FBXW7: variants seen among roughly 807,000 people sequenced by gnomAD.
The protein encoded by FBXW7 is F-box and WD repeat domain containing 7.
A neutral mutation model predicts 86.3 loss-of-function variants in FBXW7; 11 were observed. The ratio of observed to expected loss-of-function variants is 0.13; its 90% CI spans 0.08 to 0.21. The LOEUF is 0.21. FBXW7 is among the 10% of genes least tolerant of loss of function. The pLI, the probability that FBXW7 is intolerant of heterozygous loss-of-function variation, is 1.00. For synonymous variants in FBXW7, 313 were observed against 297.9 expected (o/e 1.05, Z -0.52); for missense variants, 488 against 847.4 (o/e 0.58, Z 5.27).
At chr4:152,447,102 C>T (rs1215190574) in intron 2 of FBXW7, among the ~76,000 whole-genome samples, 1 of 152,128 alleles carries the variant, frequency 6.6e-6, no homozygotes, top group Non-Finnish European at 1.5e-5. Flanking sequence ...TTTCTAGAAA[C>T]ACTAAGGCTT....
chr4:152,349,984 T>C, intron 5 of FBXW7, 58 bp downstream of exon 5: 1 of 974,296 alleles, frequency 1.0e-6, no homozygotes, highest in Non-Finnish European at 1.5e-6. Context: ...CTAAAACACT[T>C]TCAGAATCAA....
chr4:152,395,048 A>G (rs747310452), intron 4 of FBXW7, among the ~76,000 whole-genome samples: 6 of 152,174 alleles, frequency 3.9e-5, no homozygotes, highest in Non-Finnish European at 7.4e-5. Flanking sequence ...ATGGGTGTGC[A>G]TAAGTGTGTG....
chr4:152,439,910 T>C (rs1414876722), intron 2 of FBXW7, among the ~76,000 whole-genome samples: 2 of 150,720 alleles, frequency 1.3e-5, no homozygotes, highest in African/African-American at 4.9e-5. Flanking sequence ...TCCTGCTTCA[T>C]ACAGACCTGG....
At chr4:152,375,673 A>C (rs999058525) in intron 4 of FBXW7, among the ~76,000 whole-genome samples, 2 of 152,154 alleles carry the variant, frequency 1.3e-5, no homozygotes, top group African/African-American at 4.8e-5. Context: ...ATGGAAGTAC[A>C]ATGATACAGT....
At chr4:152,358,239 A>G (rs568149941) in intron 4 of FBXW7, among the ~76,000 whole-genome samples, 3 of 152,342 alleles carry the variant, frequency 2.0e-5, no homozygotes, top group South Asian at 4.1e-4. Context: ...AATATGACCC[A>G]GGAAAGAATT....
At chr4:152,408,895 T>G (rs545282162) in intron 4 of FBXW7, among the ~76,000 whole-genome samples, 1 of 152,180 alleles carries the variant, frequency 6.6e-6, no homozygotes, top group Non-Finnish European at 1.5e-5. Flanking sequence ...GTGAGCTTAA[T>G]AAATAGCAAT....
At chr4:152,418,140 C>T (rs1361334849) in intron 2 of FBXW7, among the ~76,000 whole-genome samples, 1 of 151,718 alleles carries the variant, frequency 6.6e-6, no homozygotes, top group Non-Finnish European at 1.5e-5. Context: ...CACACACACA[C>T]ACACACACAC....
At chr4:152,502,177 T>A (rs925459205) in intron 2 of FBXW7, among the ~76,000 whole-genome samples, 1 of 152,220 alleles carries the variant, frequency 6.6e-6, no homozygotes, top group Non-Finnish European at 1.5e-5. Context: ...ACTTGAAATG[T>A]GGCTAGTGTT....
chr4:152,449,116 C>A (rs1382148086), intron 2 of FBXW7, among the ~76,000 whole-genome samples: 1 of 152,192 alleles, frequency 6.6e-6, no homozygotes, highest in Non-Finnish European at 1.5e-5. Flanking sequence ...CAACAGGGAG[C>A]AAATTACTGG....
intron 4 of FBXW7, among the ~76,000 whole-genome samples, chr4:152,365,882 C>T (rs1733430909): frequency 6.6e-6 from 1 of 152,176 alleles, no homozygotes; most frequent in African/African-American, 2.4e-5. Flanking sequence ...CTCCAATAGA[C>T]TGTAAGTTCC....
intron 2 of FBXW7, among the ~76,000 whole-genome samples, chr4:152,481,069 A>G (rs1027649466): frequency 3.3e-5 from 5 of 152,226 alleles, no homozygotes; most frequent in African/African-American, 1.2e-4. Context: ...GCTAGAAACG[A>G]TAAGTCAATA....
intron 2 of FBXW7, among the ~76,000 whole-genome samples, chr4:152,454,503 A>G (rs906959726): frequency 6.6e-6 from 1 of 152,182 alleles, no homozygotes; most frequent in Non-Finnish European, 1.5e-5. Flanking sequence ...GAGCTCTTCT[A>G]ACTTCAGAGA....
intron 4 of FBXW7, among the ~76,000 whole-genome samples, chr4:152,377,013 G>GT (rs1248374255): frequency 6.6e-6 from 1 of 152,014 alleles, no homozygotes; most frequent in Non-Finnish European, 1.5e-5. Flanking sequence ...AAAATTATTT[G>GT]TAAGTCAACT....
At chr4:152,500,948 CACT>C (rs1746887216) in intron 2 of FBXW7, among the ~76,000 whole-genome samples, 1 of 152,128 alleles carries the variant, frequency 6.6e-6, no homozygotes, top group Admixed American at 6.6e-5. Flanking sequence ...CACAACTTCA[CACT>C]AAGATCAGGC....
intron 2 of FBXW7, among the ~76,000 whole-genome samples, chr4:152,517,304 G>A (rs778582709): frequency 2.0e-5 from 3 of 152,086 alleles, no homozygotes; most frequent in African/African-American, 7.2e-5. Context: ...CGGTAAACTC[G>A]ACTATTTAAA....
At chr4:152,401,951 C>T (rs1007668062) in intron 4 of FBXW7, among the ~76,000 whole-genome samples, 2 of 152,070 alleles carry the variant, frequency 1.3e-5, no homozygotes, top group Admixed American at 6.5e-5. Flanking sequence ...TTGTAAAGGA[C>T]AAGTGTATTT....
At chr4:152,330,641 G>C in intron 9 of FBXW7, 91 bp downstream of exon 9, 2 of 1,077,172 alleles carry the variant, frequency 1.9e-6, no homozygotes, top group Non-Finnish European at 2.5e-6. Context: ...CAGAAGAGGA[G>C]TGTCATATTA....
rs758977416 is a variant in FBXW7 at position 152,346,969 on chromosome 4, C to T, written c.687G>A (p.Gln229=). 2.5e-5 allele frequency: 41 copies of T among 1,613,220 alleles called. No homozygotes were observed. Among genetic ancestry groups the T allele is most frequent in the Non-Finnish European group, 3.5e-5 (41 of 1,179,794 alleles). Residue 229 remains glutamine (Q), a synonymous_variant, in exon 6 of 14, where the codon CAG becomes CAA. Transcript: ENST00000281708. ...GQQRRRITSV[Q]PPTGLQEWLK... ...GCCATTCCTGGAGGCCTGTAGGTGGCTGGACAGATGTAATTCGGCGTCGTT... is the reference window on the plus strand; with the variant it reads ...GCCATTCCTGGAGGCCTGTAGGTGGTTGGACAGATGTAATTCGGCGTCGTT...
intron 4 of FBXW7, chr4:152,382,639 A>C: frequency 7.5e-6 from 2 of 267,344 alleles, no homozygotes; most frequent in Non-Finnish European, 1.3e-5. Context: ...TGTGAACACA[A>C]CCAAAGCAGG....
Sources: allele counts gnomAD v4.1 joint callset (sites outside exome capture counted in the v4.1 genomes callset), GRCh38; gene constraint gnomAD v4.1.1; transcripts MANE v1.5; gene names NCBI Gene and HGNC (gene_info 2026-07-23, HGNC 2026-07-21).